HMCN2: variants seen among roughly 807,000 people sequenced by gnomAD.
HMCN2 encodes the protein hemicentin 2, also known as hemicentin-2.
In HMCN2, 325 loss-of-function variants were observed where a neutral mutation model predicts 377.5. That is an observed-to-expected ratio of 0.86 (90% CI 0.79 to 0.94). The LOEUF (loss-of-function observed/expected upper bound fraction) is 0.94. HMCN2 is among the 40% of genes least tolerant of loss of function. The probability of loss-of-function intolerance (pLI) is 0.00; values close to 1 mark genes in which losing one functional copy is unlikely to be tolerated. For synonymous variants in HMCN2, 2,007 were observed against 2,046.8 expected (o/e 0.98, Z 0.53); for missense variants, 4,543 against 4,725.3 (o/e 0.96, Z 1.13).
chr9:130,307,068 T>G (rs1008061115), intron 13 of HMCN2, 130 bp downstream of exon 13: 4 of 358,110 alleles, frequency 1.1e-5, no homozygotes, highest in African/African-American at 8.5e-5. Context: ...GAACACATGG[T>G]CCCTGTCTGG....
Position 130,365,713 on chromosome 9 carries a change from A to G in HMCN2, c.6491A>G (p.Asn2164Ser), listed in dbSNP as rs900454739. Residue 2164 changes from asparagine to serine, a missense_variant, in exon 42 of 98, where the codon AAT becomes AGT. By Grantham distance (46) the Asn-to-Ser change is conservative (BLOSUM62 1). Around this residue, in one of 5 missense-constraint regions of HMCN2, gnomAD observed 1,032 missense variants for 1,285.1 expected, o/e 0.80. Transcript: ENST00000683500. ...NQAGHSEKHY[N>S]LNVWVAPVFP... ...GCCGGCCACTCAGAGAAACACTACA[A>G]TCTGAACGTCTGGGGTGAGGGTCTC... is the stretch of plus-strand genomic sequence containing the variant. 7.1e-6 allele frequency: 7 copies of G among 985,492 alleles called. No homozygotes were observed. The South Asian group carries it at 1.4e-4, about 20-fold the overall frequency. 61.0% of individuals were successfully genotyped at this position (985,492 alleles called of 1,614,324 possible). A position where few individuals can be genotyped will look rare whatever the true frequency, so the allele number is the denominator to read the frequency against.
intron 1 of HMCN2, among the ~76,000 whole-genome samples, chr9:130,280,544 A>G (rs1554925349): frequency 6.6e-6 from 1 of 152,066 alleles, no homozygotes; most frequent in East Asian, 1.9e-4. Context: ...ACAGAGGCCA[A>G]CCTTAAAATC....
At chr9:130,305,106 AG>A (rs1836781993) in intron 11 of HMCN2, 104 bp downstream of exon 11, 6 of 388,838 alleles carry the variant, frequency 1.5e-5, no homozygotes, top group East Asian at 1.5e-4. Context: ...TGTCTCTGGC[AG>A]GCAATAGCAG....
intron 22 of HMCN2, among the ~76,000 whole-genome samples, chr9:130,331,026 T>C (rs1268612107): frequency 1.4e-5 from 2 of 145,786 alleles, no homozygotes; most frequent in African/African-American, 5.1e-5. Flanking sequence ...GACGTGGTGG[T>C]GCGCGCCTGT....
intron 1 of HMCN2, among the ~76,000 whole-genome samples, chr9:130,278,872 C>T (rs1834950601): frequency 6.7e-6 from 1 of 148,186 alleles, no homozygotes; most frequent in African/African-American, 2.5e-5. Flanking sequence ...TGAGCCACCT[C>T]ACCCAGCCTG....
chr9:130,348,347 T>G lies in HMCN2; in HGVS notation c.4025-198T>G, dbSNP rs377356029. On this transcript the variant is annotated intron_variant, in intron 26 of 97. Coordinates refer to ENST00000683500, the MANE Select transcript of HMCN2 (RefSeq NM_001291815.2). ...GGTGACACCTGGGCCTGGGCACGAC[T>G]GGGGGTGTGTGGGTCCCAGGGCAAG... The G allele has an allele frequency of 7.0e-5, 50 of 712,990 alleles. No individual in the cohort carries two copies. In the East Asian group the frequency reaches 3.7e-3, roughly 53 times the overall value. The allele number at this position is 712,990 out of a possible 1,614,324, so 44.2% of individuals were successfully genotyped here.
At position 130,374,581 on chromosome 9, in the gene HMCN2, C is replaced by T. The variant is rs61742661; in HGVS notation, c.7518C>T (p.Asp2506=). The change falls in exon 49 of 98, where the codon GAC becomes GAT. Residue 2506 remains aspartate (D), a synonymous_variant. Coordinates refer to ENST00000683500, the MANE Select transcript of HMCN2 (RefSeq NM_001291815.2). ...GAGATGCTCACCACATCTCCCCAGACGGAGTCCTCCTGCAGGTCCTCCAGG... is the reference window on the plus strand; with the variant it reads ...GAGATGCTCACCACATCTCCCCAGATGGAGTCCTCCTGCAGGTCCTCCAGG... ...ARGDAHHISP[D]GVLLQVLQAN... is the part of the protein sequence containing the mutation. 0.052 allele frequency: 50,900 copies of T among 985,710 alleles called. 1,402 individuals are homozygous for T. Among genetic ancestry groups the T allele is most frequent in the Middle Eastern group, 0.08 (153 of 1,914 alleles). 61.1% of individuals were successfully genotyped at this position (985,710 alleles called of 1,614,324 possible).
chr9:130,357,059 AGGATGGATGGAT>A lies in HMCN2; in HGVS notation c.5426-747_5426-736del, dbSNP rs201419400. 3.9e-3 allele frequency among the ~76,000 whole-genome samples: 419 copies of A among 106,154 alleles called. 2 individuals carry two copies. The highest frequency in any genetic ancestry group is 0.019 in the African/African-American group (397 of 21,230). The allele number at this position is 106,154 out of a possible 152,430, so 69.6% of individuals were successfully genotyped here. Reference sequence around the variant, plus strand: ...ATGAATGGGTGGACAGATAGAAGGGAGGATGGATGGATGGATGGATGGATGGATGGATGGATG... The same window carrying A: ...ATGAATGGGTGGACAGATAGAAGGGAGGATGGATGGATGGATGGATGGATG... On this transcript the variant is annotated intron_variant, in intron 34 of 97. Coordinates refer to ENST00000683500, the MANE Select transcript of HMCN2 (RefSeq NM_001291815.2).
At chr9:130,274,081 C>CGTTTTT in intron 1 of HMCN2, among the ~76,000 whole-genome samples, 1 of 149,002 alleles carries the variant, frequency 6.7e-6, no homozygotes. Context: ...GAGACGGAGT[C>CGTTTTT]TCACTCTGTC....
intron 1 of HMCN2, 112 bp from the exon 2 acceptor site, chr9:130,284,491 G>C: frequency 6.9e-6 from 3 of 432,934 alleles, no homozygotes; most frequent in Non-Finnish European, 9.5e-6. Flanking sequence ...CGTCTTGTGT[G>C]CCAGCCTCAG....
At chr9:130,333,358 G>A (rs1838528200) in intron 22 of HMCN2, among the ~76,000 whole-genome samples, 1 of 152,186 alleles carries the variant, frequency 6.6e-6, no homozygotes, top group African/African-American at 2.4e-5. Flanking sequence ...AGACAGGTGA[G>A]GCCTGGGAAC....
rs1836657807 is a variant in HMCN2 at position 130,303,661 on chromosome 9, T to G, written c.1543+53T>G. The G allele has an allele frequency of 4.6e-6, 1 of 217,446 alleles. No individual in the cohort carries two copies. The highest frequency in any genetic ancestry group is 5.7e-5 in the Admixed American group (1 of 17,502). 13.5% of individuals were successfully genotyped at this position (217,446 alleles called of 1,614,324 possible). The stretch of plus-strand genomic sequence containing the variant: ...CCCCTTCCTTACCCTCTTCTTGGGT[T>G]CTTACCCCTAGGATTTCCTCCAGGC... On this transcript the variant is annotated intron_variant, in intron 10 of 97. Transcript: ENST00000683500. This position sits in a 1 kb window ranked among gnomAD's most constrained non-coding sequence, Gnocchi z 5.2.
At chr9:130,276,023 T>G (rs1834674420) in intron 1 of HMCN2, among the ~76,000 whole-genome samples, 1 of 145,336 alleles carries the variant, frequency 6.9e-6, no homozygotes, top group Non-Finnish European at 1.5e-5. Flanking sequence ...AGGGGAGGGG[T>G]GCTAGAAAGA....
At position 130,359,382 on chromosome 9, in the gene HMCN2, TG is replaced by T. The variant is rs1245259290; in HGVS notation, c.5743del (p.Glu1915SerfsTer27). ...KAVLENASVT[L>X]ECLASGVPPP... ...GTGCTGGAAAATGCCTCAGTGACCT[TG>T]GAGTGTCTGGCTTCGGGCGTGCCCC... On this transcript the variant is annotated frameshift_variant, in exon 37 of 98. Coordinates refer to ENST00000683500, the MANE Select transcript of HMCN2 (RefSeq NM_001291815.2). LOFTEE classifies it high-confidence loss of function. The T allele has an allele frequency of 7.7e-7, 1 of 1,303,718 alleles. No homozygotes were observed. The highest frequency in any genetic ancestry group is 1.0e-6 in the Non-Finnish European group (1 of 988,520). 80.8% of individuals were successfully genotyped at this position (1,303,718 alleles called of 1,614,324 possible). A position where few individuals can be genotyped will look rare whatever the true frequency, so the allele number is the denominator to read the frequency against.
At position 130,428,158 on chromosome 9, in the gene HMCN2, C is replaced by T. The variant is rs1024431750; in HGVS notation, c.14066-200C>T. The stretch of plus-strand genomic sequence containing the variant: ...ATTGGAAGCTGCAGGCCCAAGGACT[C>T]GGGTCCCTTGGAGTGGGCCCTATGT... On this transcript the variant is annotated intron_variant, in intron 92 of 97. Transcript: ENST00000683500. The surrounding 1 kb of genome is among the most constrained non-coding windows in gnomAD (Gnocchi z 5.0). Among the ~76,000 whole-genome samples, 6 of 152,146 alleles carry T rather than the reference C, an allele frequency of 3.9e-5. No homozygotes were observed. The highest frequency in any genetic ancestry group is 8.8e-5 in the Non-Finnish European group (6 of 68,026).
rs190770030 is a variant in HMCN2, at chr9:130,395,314, G to T, written c.10878G>T (p.Lys3626Asn). The T allele has an allele frequency of 4.2e-3, 5,457 of 1,289,448 alleles. 65 individuals carry two copies. Among genetic ancestry groups the T allele is most frequent in the Admixed American group, 0.042 (1,836 of 43,490 alleles). 79.9% of individuals were successfully genotyped at this position (1,289,448 alleles called of 1,614,324 possible). A position where few individuals can be genotyped will look rare whatever the true frequency, so the allele number is the denominator to read the frequency against. ...CGGTGGAGGCAGAGCCAGCGCCCAA[G>T]ATCACGTGGCACCGAGACGGCATTG... is the stretch of plus-strand genomic sequence containing the variant. ...ECSVEAEPAP[K>N]ITWHRDGIVL... Residue 3626 changes from lysine (K) to asparagine (N), a missense_variant, in exon 71 of 98, where the codon AAG (lysine) becomes AAT (asparagine). Coordinates refer to ENST00000683500, the MANE Select transcript of HMCN2 (RefSeq NM_001291815.2).
intron 8 of HMCN2, among the ~76,000 whole-genome samples, 163 bp from the exon 9 acceptor site, chr9:130,302,694 C>T (rs1836583486): frequency 6.6e-6 from 1 of 152,188 alleles, no homozygotes. Context: ...CCATGATCAC[C>T]CCATTTTGCA....
At chr9:130,366,114 G>A (rs1840677152) in intron 43 of HMCN2, 119 bp downstream of exon 43, 3 of 756,480 alleles carry the variant, frequency 4.0e-6, no homozygotes, top group African/African-American at 1.9e-5. Flanking sequence ...CTTATACCTC[G>A]AGGGGGTGGG....
At chr9:130,380,035 C>T (rs777682557) in intron 54 of HMCN2, among the ~76,000 whole-genome samples, 4 of 152,150 alleles carry the variant, frequency 2.6e-5, no homozygotes, top group Non-Finnish European at 5.9e-5. Context: ...GCCACCACGC[C>T]TGGCTACTTT....
Sources: allele counts gnomAD v4.1 joint callset (sites outside exome capture counted in the v4.1 genomes callset), GRCh38; gene constraint gnomAD v4.1.1; regional missense constraint gnomAD v4.1.1; non-coding constraint Gnocchi (gnomAD v3.1); transcripts MANE v1.5; gene names NCBI Gene and HGNC (gene_info 2026-07-23, HGNC 2026-07-21).